The following TASP1 variants were observed in gnomAD, a reference collection of about 807,000 sequenced individuals.
The protein encoded by TASP1 is taspase 1, also known as threonine aspartase 1.
A neutral mutation model predicts 56.6 loss-of-function variants in TASP1; 16 were observed. The ratio of observed to expected loss-of-function variants is 0.28; its 90% confidence interval spans 0.19 to 0.43. The LOEUF (loss-of-function observed/expected upper bound fraction) is 0.43, where lower values mean the gene tolerates loss of function less well. Among genes scored for constraint, TASP1 ranks in the 20% least tolerant of loss-of-function variants. TASP1 has a pLI of 1.00. For synonymous variants in TASP1, 179 were observed against 184.2 expected (o/e 0.97, Z 0.23); for missense variants, 393 against 511.6 (o/e 0.77, Z 2.24).
chr20:13,275,204 TTAAAAA>T, the TASP1 span, among the ~76,000 whole-genome samples: 12,694 of 152,222 alleles, frequency 0.083, 607 homozygotes, highest in Middle Eastern at 0.12. Context: ...TAAGACGGAC[TTAAAAA>T]TAGTCATGTA....
chr20:13,584,674 T>C (rs2047241182), intron 5 of TASP1, among the ~76,000 whole-genome samples: 1 of 152,164 alleles, frequency 6.6e-6, no homozygotes. Flanking sequence ...CACCATAATC[T>C]GGGCCATACA....
the TASP1 span, among the ~76,000 whole-genome samples, chr20:13,379,729 G>A: frequency 3.3e-5 from 5 of 151,806 alleles, no homozygotes; most frequent in Admixed American, 2.6e-4. Flanking sequence ...ACATAGGTTT[G>A]GTCTTTTCAC....
At chr20:13,505,464 C>A (rs1458242390) in intron 10 of TASP1, among the ~76,000 whole-genome samples, 1 of 152,064 alleles carries the variant, frequency 6.6e-6, no homozygotes, top group African/African-American at 2.4e-5. Context: ...AGATAGCCAG[C>A]TCAACTCTGC....
At chr20:13,503,981 C>T (rs1442786349) in intron 10 of TASP1, among the ~76,000 whole-genome samples, 1 of 150,384 alleles carries the variant, frequency 6.6e-6, no homozygotes, top group East Asian at 1.9e-4. Flanking sequence ...GGAGTACCAT[C>T]TAGCATTATG....
chr20:13,193,684 C>A, the TASP1 span, among the ~76,000 whole-genome samples: 1 of 152,212 alleles, frequency 6.6e-6, no homozygotes, highest in East Asian at 1.9e-4. Flanking sequence ...TTCAGCTGCT[C>A]AACAGTGTCA....
chr20:13,329,732 T>A, the TASP1 span, among the ~76,000 whole-genome samples: 1 of 152,230 alleles, frequency 6.6e-6, no homozygotes, highest in Admixed American at 6.5e-5. Flanking sequence ...AGACAGTTTT[T>A]TTTTTCTTCC....
the TASP1 span, among the ~76,000 whole-genome samples, chr20:13,313,765 T>A: frequency 3.3e-5 from 5 of 152,052 alleles, no homozygotes; most frequent in African/African-American, 1.2e-4. Context: ...AAACTACAGT[T>A]TAAAGAAACA....
the TASP1 span, among the ~76,000 whole-genome samples, chr20:13,187,732 C>CA: frequency 0.046 from 2,646 of 57,074 alleles, 177 homozygotes; most frequent in African/African-American, 0.064. Context: ...GACTCCATCT[C>CA]AAAAAAAAAA....
At chr20:13,322,349 C>G in the TASP1 span, among the ~76,000 whole-genome samples, 5 of 152,176 alleles carry the variant, frequency 3.3e-5, no homozygotes, top group Non-Finnish European at 7.3e-5. Context: ...AGACACACTC[C>G]CACCCTCTTT....
intron 13 of TASP1, among the ~76,000 whole-genome samples, chr20:13,399,055 C>T (rs1271790941): frequency 6.6e-6 from 1 of 152,156 alleles, no homozygotes; most frequent in Non-Finnish European, 1.5e-5. Context: ...TTTCACAAGG[C>T]CCAGCAGCAG....
the TASP1 span, among the ~76,000 whole-genome samples, chr20:13,134,293 T>G: frequency 6.6e-6 from 1 of 152,258 alleles, no homozygotes; most frequent in Non-Finnish European, 1.5e-5. Context: ...CTCCGAATAC[T>G]TAACATCAGC....
At chr20:13,173,308 C>G in the TASP1 span, among the ~76,000 whole-genome samples, 1 of 152,204 alleles carries the variant, frequency 6.6e-6, no homozygotes, top group Non-Finnish European at 1.5e-5. Context: ...TTCATTTACT[C>G]ACATCAGACA....
At chr20:13,149,093 G>A in the TASP1 span, among the ~76,000 whole-genome samples, 3 of 152,124 alleles carry the variant, frequency 2.0e-5, no homozygotes. Context: ...AGCCTCCTCA[G>A]AGAATCCAAA....
intron 12 of TASP1, among the ~76,000 whole-genome samples, chr20:13,423,672 C>T (rs576089823): frequency 9.9e-5 from 15 of 152,164 alleles, no homozygotes; most frequent in Non-Finnish European, 1.6e-4. Context: ...AGCAACGGTT[C>T]CTCCTGTAGA....
the TASP1 span, among the ~76,000 whole-genome samples, chr20:13,275,095 A>G: frequency 7.9e-5 from 12 of 152,250 alleles, no homozygotes; most frequent in Admixed American, 5.2e-4. Flanking sequence ...ACATTGGTTC[A>G]TTACTACACT....
the TASP1 span, among the ~76,000 whole-genome samples, chr20:13,230,818 A>G: frequency 1.3e-5 from 2 of 152,166 alleles, no homozygotes; most frequent in Non-Finnish European, 2.9e-5. Flanking sequence ...ATTCCTTTTT[A>G]TAAGAATTAT....
intron 4 of TASP1, among the ~76,000 whole-genome samples, chr20:13,590,184 A>C (rs1231563895): frequency 1.3e-5 from 2 of 152,124 alleles, no homozygotes; most frequent in African/African-American, 2.4e-5. Context: ...GTGAGCCAAG[A>C]TCTTGCACCA....
chr20:13,610,496 T>C (rs1216138159), intron 4 of TASP1, among the ~76,000 whole-genome samples: 1 of 152,172 alleles, frequency 6.6e-6, no homozygotes, highest in Admixed American at 6.5e-5. Context: ...AAAAAATTCA[T>C]GAAGCTGTCC....
At position 13,555,416 on chromosome 20, in the gene TASP1, CTT is replaced by C. The variant is rs1310640098; in HGVS notation, c.675+3590_675+3591del. 1.6e-4 allele frequency among the ~76,000 whole-genome samples: 24 copies of C among 148,092 alleles called. No homozygotes were observed. In the South Asian group the frequency reaches 3.6e-3, roughly 22 times the overall value. ...AAAAAAAAAAAAAAAATTATAAATC[CTT>C]TCTCATTTCAACCATACTTTCAGCA... On this transcript the variant is annotated intron_variant, in intron 8 of 13. Transcript: ENST00000337743.
Sources: allele counts gnomAD v4.1 joint callset (sites outside exome capture counted in the v4.1 genomes callset), GRCh38; gene constraint gnomAD v4.1.1; transcripts MANE v1.5; gene names NCBI Gene and HGNC (gene_info 2026-07-23, HGNC 2026-07-21).